Variants in BRI3BP observed in about 807,000 individuals in gnomAD.
BRI3BP encodes the protein BRI3-binding protein.
BRI3BP carries 7 observed loss-of-function variants against 15.8 expected under a neutral mutation model. The observed-to-expected ratio is 0.44, with a 90% CI of 0.25 to 0.83. BRI3BP has a LOEUF of 0.83. Among genes scored for constraint, BRI3BP ranks in the 40% least tolerant of loss-of-function variants. The probability of loss-of-function intolerance (pLI) is 0.20; values close to 1 mark genes in which losing one functional copy is unlikely to be tolerated. For synonymous variants in BRI3BP, 192 were observed against 163.5 expected (o/e 1.17, Z -1.33); for missense variants, 320 against 339.3 (o/e 0.94, Z 0.45).
At chr12:125,000,829 G>T (rs932575563) in intron 1 of BRI3BP, among the ~76,000 whole-genome samples, 1 of 152,010 alleles carries the variant, frequency 6.6e-6, no homozygotes, top group Admixed American at 6.6e-5. Flanking sequence ...AGTTGCAGAC[G>T]TCTTAATACT....
At chr12:125,044,020 T>TAAA in the BRI3BP span, among the ~76,000 whole-genome samples, 2 of 131,796 alleles carry the variant, frequency 1.5e-5, no homozygotes, top group Admixed American at 1.5e-4. Flanking sequence ...GCAAGACATT[T>TAAA]AAAAAAAAAA....
Position 125,025,319 on chromosome 12 carries a change from CA to C in BRI3BP, c.646del (p.Ser216AlafsTer72). On this transcript the variant is annotated frameshift_variant, in exon 3 of 3. Coordinates refer to ENST00000341446, the MANE Select transcript of BRI3BP (RefSeq NM_080626.6). LOFTEE classifies it high-confidence loss of function. ...RSSPSGPSNP[S>X]NPSVEEKLEH... ...GCAGTCCCAGCGGCCCCAGCAACCC[CA>C]GCAACCCCAGCGTGGAGGAGAAGCT... 2 of 1,613,668 alleles carry C rather than the reference CA, an allele frequency of 1.2e-6. No homozygotes were observed. Among genetic ancestry groups the C allele is most frequent in the Non-Finnish European group, 1.7e-6 (2 of 1,179,892 alleles).
the BRI3BP span, among the ~76,000 whole-genome samples, chr12:125,036,919 T>G: frequency 6.6e-6 from 1 of 152,190 alleles, no homozygotes; most frequent in Non-Finnish European, 1.5e-5. Flanking sequence ...AAATACTGAG[T>G]ATGCTAGTAC....
Position 125,026,559 on chromosome 12 carries a change from C to G in BRI3BP, c.*1129C>G, listed in dbSNP as rs10083110. 1 of 151,830 alleles carries G rather than the reference C, an allele frequency of 6.6e-6. No individual in the cohort carries two copies. Among genetic ancestry groups the G allele is most frequent in the Admixed American group, 6.6e-5 (1 of 15,258 alleles). The allele number at this position is 151,830 out of a possible 1,614,324, so 9.4% of individuals were successfully genotyped here. ...CTCTGTGGGCAGAGAGTGGGACTTG[C>G]GAGGTGGACAGCTGTGGGGATCCTG... On this transcript the variant is annotated 3_prime_UTR_variant, in exon 3 of 3. Transcript: ENST00000341446.
chr12:125,031,564 TTTTC>T (rs1477558984), downstream of BRI3BP, among the ~76,000 whole-genome samples: 1 of 148,304 alleles, frequency 6.7e-6, no homozygotes, highest in Non-Finnish European at 1.5e-5. Flanking sequence ...CTAACAATCC[TTTTC>T]TTTCTATTTT....
Position 124,993,990 on chromosome 12 carries a change from G to A in BRI3BP, c.200G>A (p.Arg67His). Residue 67 changes from arginine (R) to histidine (H), a missense_variant, in exon 1 of 3, where the codon CGC (arginine) becomes CAC (histidine). Physicochemically the swap from Arg to His is conservative, Grantham distance 29 (BLOSUM62 0). Coordinates refer to ENST00000341446, the MANE Select transcript of BRI3BP (RefSeq NM_080626.6). Reference sequence around the variant, plus strand: ...AGCCTGTTCGGCGAGGACAACGTGCGCGCCGCTCAGAAGGTGGGCGCCGGG... The same window carrying A: ...AGCCTGTTCGGCGAGGACAACGTGCACGCCGCTCAGAAGGTGGGCGCCGGG... Reference protein sequence around the residue: ...VSSLFGEDNVRAAQKFLARLT... With the variant: ...VSSLFGEDNVHAAQKFLARLT... 1 of 1,350,640 alleles carries A rather than the reference G, an allele frequency of 7.4e-7. No individual in the cohort carries two copies. The highest frequency in any genetic ancestry group is 9.7e-7 in the Non-Finnish European group (1 of 1,036,032). The allele number at this position is 1,350,640 out of a possible 1,614,324, so 83.7% of individuals were successfully genotyped here. A position where few individuals can be genotyped will look rare whatever the true frequency, so the allele number is the denominator to read the frequency against.
intron 2 of BRI3BP, among the ~76,000 whole-genome samples, chr12:125,019,774 T>C (rs948688200): frequency 5.3e-5 from 8 of 151,564 alleles, no homozygotes; most frequent in Non-Finnish European, 1.0e-4. Context: ...CTCCTCTAAA[T>C]AGCTAGATAG....
intron 1 of BRI3BP, among the ~76,000 whole-genome samples, chr12:125,007,701 C>T (rs961257316): frequency 2.0e-5 from 3 of 148,672 alleles, no homozygotes; most frequent in African/African-American, 7.5e-5. Flanking sequence ...GGCTGGGCAA[C>T]AGAGCAAGAC....
chr12:125,049,021 C>T, the BRI3BP span, among the ~76,000 whole-genome samples: 1 of 152,200 alleles, frequency 6.6e-6, no homozygotes, highest in South Asian at 2.1e-4. Context: ...TGCAATGGCG[C>T]GATCTCGGCT....
At chr12:125,001,221 A>AT (rs34379255) in intron 1 of BRI3BP, among the ~76,000 whole-genome samples, 9,112 of 151,210 alleles carry the variant, frequency 0.06, 403 homozygotes, top group Admixed American at 0.14. Flanking sequence ...CGCCCGGCTA[A>AT]TTTTTTTTGT....
At chr12:125,008,299 C>CTTTTTTTTTTTTTTTTTTT (rs55697100) in intron 1 of BRI3BP, among the ~76,000 whole-genome samples, 8 of 99,944 alleles carry the variant, frequency 8.0e-5, no homozygotes, top group East Asian at 6.2e-4. Flanking sequence ...CCTCTTCTTT[C>CTTTTTTTTTTTTTTTTTTT]TTTTTTTTTT....
chr12:125,035,392 G>T (rs1223992201), downstream of BRI3BP, among the ~76,000 whole-genome samples: 3 of 117,712 alleles, frequency 2.5e-5, no homozygotes, highest in East Asian at 2.7e-4. Flanking sequence ...AATAGGTATT[G>T]TCTTTTTTTT....
chr12:125,049,655 G>T, the BRI3BP span, among the ~76,000 whole-genome samples: 1 of 152,182 alleles, frequency 6.6e-6, no homozygotes, highest in African/African-American at 2.4e-5. Context: ...GATTGGGCAC[G>T]CCCTTTTCTG....
At chr12:125,042,020 A>C in the BRI3BP span, among the ~76,000 whole-genome samples, 119 of 152,306 alleles carry the variant, frequency 7.8e-4, no homozygotes, top group African/African-American at 2.7e-3. Context: ...TAAAAACACA[A>C]ATAGCATCTA....
At chr12:125,024,954 T>A (rs1281668832) in intron 2 of BRI3BP, 37 bp from the exon 3 acceptor site, 2 of 1,554,724 alleles carry the variant, frequency 1.3e-6, no homozygotes, top group East Asian at 4.5e-5. Context: ...CCCTGGCCCC[T>A]GCGTAACGAG....
At chr12:124,995,751 G>A (rs939318916) in intron 1 of BRI3BP, among the ~76,000 whole-genome samples, 3 of 152,222 alleles carry the variant, frequency 2.0e-5, no homozygotes, top group African/African-American at 7.2e-5. Flanking sequence ...ACACAGAGCA[G>A]TGAAGTGGCT....
downstream of BRI3BP, among the ~76,000 whole-genome samples, chr12:125,034,622 C>T (rs1472406277): frequency 1.3e-5 from 2 of 151,566 alleles, no homozygotes; most frequent in Non-Finnish European, 2.9e-5. Flanking sequence ...TGGAGTCTCA[C>T]TCTGTCGCCC....
chr12:125,023,873 C>A (rs567340266), intron 2 of BRI3BP, among the ~76,000 whole-genome samples: 2 of 152,274 alleles, frequency 1.3e-5, no homozygotes, highest in African/African-American at 4.8e-5. Flanking sequence ...TAGTTCAAGA[C>A]CAGCCTGGCC....
chr12:124,994,023 C>A lies in BRI3BP; in HGVS notation c.213+20C>A. The A allele has an allele frequency of 7.6e-7, 1 of 1,310,106 alleles. No individual in the cohort carries two copies. Among genetic ancestry groups the A allele is most frequent in the East Asian group, 3.4e-5 (1 of 29,648 alleles). 81.2% of individuals were successfully genotyped at this position (1,310,106 alleles called of 1,614,324 possible). On this transcript the variant is annotated intron_variant, in intron 1 of 2. Coordinates refer to ENST00000341446, the MANE Select transcript of BRI3BP (RefSeq NM_080626.6). ...CAGAAGGTGGGCGCCGGGCCCGCGC[C>A]CGCGGTCACCTTGCCCCGGTCGCCA...
Sources: gnomAD v4.1 joint callset for allele counts (sites outside exome capture counted in the v4.1 genomes callset) on GRCh38, gnomAD v4.1.1 for gene constraint, MANE v1.5 for transcripts, NCBI Gene and HGNC (gene_info 2026-07-23, HGNC 2026-07-21) for gene names.